DNAJC15: variants seen among roughly 807,000 people sequenced by gnomAD.
DNAJC15 encodes the protein dnaJ homolog subfamily C member 15.
A neutral mutation model predicts 22.4 loss-of-function variants in DNAJC15; 27 were observed. That is an observed-to-expected ratio of 1.20 (90% CI 0.89 to 1.66). The LOEUF (loss-of-function observed/expected upper bound fraction) is 1.66, where lower values mean the gene tolerates loss of function less well. Among genes scored for constraint, DNAJC15 ranks in the 40% most tolerant of loss-of-function variants. The pLI is 0.00. For missense variants in DNAJC15, 208 were observed against 187.1 expected, an observed-to-expected ratio of 1.11 and a Z score of -0.65; for synonymous variants, 79 against 63.2, an observed-to-expected ratio of 1.25 and a Z score of -1.19.
At chr13:43,085,685 A>AT in intron 4 of DNAJC15, 83 bp from the exon 5 acceptor site, 1 of 1,136,304 alleles carries the variant, frequency 8.8e-7, no homozygotes, top group South Asian at 1.5e-5. Flanking sequence ...ATTAGGTATA[A>AT]TTTTTTGAAA....
rs2040809162 is a variant in DNAJC15, at chr13:43,108,498, A to T, written c.*1250A>T. ...CCTTTACAAATCTTGGGTTCATTCC[A>T]GGTAAACTGAACTACTGCATTGTTT... On this transcript the variant is annotated 3_prime_UTR_variant, in exon 6 of 6. Coordinates refer to ENST00000379221, the MANE Select transcript of DNAJC15 (RefSeq NM_013238.3). 6.6e-6 allele frequency: 1 copy of T among 152,248 alleles called. No individual in the cohort carries two copies. The highest frequency in any genetic ancestry group is 2.1e-4 in the South Asian group (1 of 4,832). 9.4% of individuals were successfully genotyped at this position (152,248 alleles called of 1,614,324 possible).
At chr13:43,038,238 GAC>G (rs749916493) in intron 1 of DNAJC15, among the ~76,000 whole-genome samples, 92 of 152,288 alleles carry the variant, frequency 6.0e-4, no homozygotes, top group Admixed American at 4.6e-4. Flanking sequence ...GTAACCTCAA[GAC>G]ACATTGTCCC....
At chr13:43,054,953 G>C (rs1302115739) in intron 1 of DNAJC15, among the ~76,000 whole-genome samples, 3 of 152,102 alleles carry the variant, frequency 2.0e-5, no homozygotes, top group African/African-American at 7.2e-5. Context: ...CACAGAAGGA[G>C]GGCGGGGAGT....
chr13:43,063,318 T>C (rs1188430633), intron 1 of DNAJC15, among the ~76,000 whole-genome samples: 3 of 152,242 alleles, frequency 2.0e-5, no homozygotes, highest in Admixed American at 2.0e-4. Context: ...CTTTTATTGA[T>C]AGTATTAAAA....
intron 4 of DNAJC15, 179 bp downstream of exon 4, chr13:43,078,867 A>AG: frequency 2.5e-6 from 1 of 402,220 alleles, no homozygotes; most frequent in Non-Finnish European, 4.4e-6. Flanking sequence ...CCCTAAAAAA[A>AG]CAAAACAAAA....
At chr13:43,048,818 G>A (rs2040489736) in intron 1 of DNAJC15, among the ~76,000 whole-genome samples, 1 of 152,030 alleles carries the variant, frequency 6.6e-6, no homozygotes, top group Non-Finnish European at 1.5e-5. Context: ...CCCTAATTTT[G>A]TGTAACAACA....
chr13:43,107,255 A>G lies in DNAJC15; in HGVS notation c.*7A>G. 5 of 1,555,904 alleles carry G rather than the reference A, an allele frequency of 3.2e-6. No homozygotes were observed. The highest frequency in any genetic ancestry group is 4.3e-6 in the Non-Finnish European group (5 of 1,159,286). On this transcript the variant is annotated 3_prime_UTR_variant, in exon 6 of 6. Coordinates refer to ENST00000379221, the MANE Select transcript of DNAJC15 (RefSeq NM_013238.3). ...AACAACCACCAAACATTGATGCTTA[A>G]GGACCACACTGAAGGAAAAAAAAAG...
rs2040675165 is a variant in DNAJC15 at position 43,083,846 on chromosome 13, G to C, written c.312-1922G>C. On this transcript the variant is annotated intron_variant, in intron 4 of 5. Coordinates refer to ENST00000379221, the MANE Select transcript of DNAJC15 (RefSeq NM_013238.3). ...ACAAGCCAAAAAGTAAGTTTAGAAT[G>C]CTGCTTCAAAGACATAGGTAAACAG... is the stretch of plus-strand genomic sequence containing the variant. Among the ~76,000 whole-genome samples, 5 of 152,256 alleles carry C rather than the reference G, an allele frequency of 3.3e-5. No individual in the cohort carries two copies. The South Asian group carries it at 1.0e-3, about 32-fold the overall frequency.
At chr13:43,037,057 C>T (rs2040432140) in intron 1 of DNAJC15, among the ~76,000 whole-genome samples, 1 of 152,204 alleles carries the variant, frequency 6.6e-6, no homozygotes, top group Non-Finnish European at 1.5e-5. Flanking sequence ...TGGCTGGCCT[C>T]CTGCCTGTTC....
chr13:43,091,206 TC>T (rs2040713413), intron 5 of DNAJC15, among the ~76,000 whole-genome samples: 1 of 152,172 alleles, frequency 6.6e-6, no homozygotes, highest in African/African-American at 2.4e-5. Flanking sequence ...TGCCTCAGCC[TC>T]CCGAGTAGCT....
chr13:43,107,908 AG>A lies in DNAJC15; in HGVS notation c.*662del, dbSNP rs916391846. The A allele has an allele frequency of 1.3e-5, 2 of 152,394 alleles. No homozygotes were observed. The highest frequency in any genetic ancestry group is 4.8e-5 in the African/African-American group (2 of 41,458). 9.4% of individuals were successfully genotyped at this position (152,394 alleles called of 1,614,324 possible). On this transcript the variant is annotated 3_prime_UTR_variant, in exon 6 of 6. Coordinates refer to ENST00000379221, the MANE Select transcript of DNAJC15 (RefSeq NM_013238.3). ...GTGAGGAAAGGTTGAGAGAAGTCTG[AG>A]GAGTTTGTATTTAATTATAGTCTTC...
chr13:43,071,380 A>G (rs2040608417), intron 3 of DNAJC15, among the ~76,000 whole-genome samples: 1 of 152,198 alleles, frequency 6.6e-6, no homozygotes, highest in African/African-American at 2.4e-5. Context: ...TCAAGGTAAG[A>G]AACTTCGCCT....
At chr13:43,027,975 T>C (rs1482334021) in intron 1 of DNAJC15, among the ~76,000 whole-genome samples, 1 of 152,176 alleles carries the variant, frequency 6.6e-6, no homozygotes, top group Non-Finnish European at 1.5e-5. Context: ...TCTTTCCCAC[T>C]GTTTTTTACA....
intron 3 of DNAJC15, among the ~76,000 whole-genome samples, chr13:43,076,367 A>G (rs1339354895): frequency 6.6e-6 from 1 of 152,218 alleles, no homozygotes; most frequent in African/African-American, 2.4e-5. Context: ...TTCAAAGAGT[A>G]TAGCTTATAT....
intron 5 of DNAJC15, among the ~76,000 whole-genome samples, chr13:43,095,568 A>G (rs2040735802): frequency 1.3e-5 from 2 of 152,166 alleles, no homozygotes; most frequent in Non-Finnish European, 2.9e-5. Context: ...ATGGAAAGTG[A>G]AAGTATGGAT....
At chr13:43,091,431 A>G (rs1167900114) in intron 5 of DNAJC15, among the ~76,000 whole-genome samples, 2 of 151,966 alleles carry the variant, frequency 1.3e-5, no homozygotes, top group African/African-American at 2.4e-5. Flanking sequence ...CACATTTTTC[A>G]TTTCTCCTTA....
Position 43,035,894 on chromosome 13 carries a change from A to G in DNAJC15, c.108+12160A>G, listed in dbSNP as rs139918287. Among the ~76,000 whole-genome samples, 20 of 151,582 alleles carry G rather than the reference A, an allele frequency of 1.3e-4. No homozygotes were observed. The East Asian group carries it at 3.7e-3, about 28-fold the overall frequency. On this transcript the variant is annotated intron_variant, in intron 1 of 5. Transcript: ENST00000379221. Reference sequence around the variant, plus strand: ...TGCCATCATGCCTGGCTAAATTTTTATTTTTATATTTGGTAGAGATGGGGG... The same window carrying G: ...TGCCATCATGCCTGGCTAAATTTTTGTTTTTATATTTGGTAGAGATGGGGG...
intron 1 of DNAJC15, among the ~76,000 whole-genome samples, chr13:43,060,463 G>GA (rs775712438): frequency 1.4e-4 from 22 of 152,180 alleles, no homozygotes; most frequent in Non-Finnish European, 2.2e-4. Context: ...CATCCAATCA[G>GA]AGAGTGTCCA....
intron 5 of DNAJC15, among the ~76,000 whole-genome samples, chr13:43,091,154 T>C (rs1019773873): frequency 1.3e-5 from 2 of 151,808 alleles, no homozygotes; most frequent in African/African-American, 4.8e-5. Context: ...GCACGATCTC[T>C]GCTCACTGCA....
Sources: gnomAD v4.1 joint callset for allele counts (sites outside exome capture counted in the v4.1 genomes callset) on GRCh38, gnomAD v4.1.1 for gene constraint, MANE v1.5 for transcripts, NCBI Gene and HGNC (gene_info 2026-07-23, HGNC 2026-07-21) for gene names.